MYO9B: variants seen among roughly 807,000 people sequenced by gnomAD.
MYO9B encodes myosin IXB, also known as unconventional myosin-IXb.
Under a neutral mutation model 229.5 loss-of-function variants are expected in MYO9B, and 71 were observed. That is an observed-to-expected ratio of 0.31 (90% confidence interval 0.26 to 0.38). The LOEUF is 0.38. Among genes scored for constraint, MYO9B ranks in the 10% least tolerant of loss-of-function variants. The pLI, the probability that MYO9B is intolerant of heterozygous loss-of-function variation, is 1.00. For synonymous variants in MYO9B, 1,185 were observed against 1,235.8 expected (o/e 0.96, Z 0.86); for missense variants, 2,255 against 2,920.5 (o/e 0.77, Z 5.25).
intron 1 of MYO9B, among the ~76,000 whole-genome samples, chr19:17,081,959 G>A (rs923189836): frequency 1.3e-5 from 2 of 152,038 alleles, no homozygotes; most frequent in Admixed American, 6.6e-5. Flanking sequence ...CAGGGCATGG[G>A]GCGGGGGTAT....
rs747338328 is a variant in MYO9B, at chr19:17,205,942, C to T, written c.5065-18C>T. On this transcript the variant is annotated intron_variant, in intron 31 of 39. Coordinates refer to ENST00000682292, the MANE Select transcript of MYO9B (RefSeq NM_004145.4). ...AGACAGCCAGGCCCAGACCTGACCC[C>T]CAACCCCGGCACTGCAGGGCGAGCC... 7.1e-6 allele frequency: 11 copies of T among 1,542,310 alleles called. No individual in the cohort carries two copies. In the South Asian group the frequency reaches 1.2e-4, roughly 17 times the overall value.
rs771077231 is a variant in MYO9B at position 17,202,286 on chromosome 19, G to A, written c.4819G>A (p.Asp1607Asn). 1.0e-5 allele frequency: 16 copies of A among 1,566,044 alleles called. No homozygotes were observed. The highest frequency in any genetic ancestry group is 4.1e-5 in the African/African-American group (3 of 73,392). Residue 1607 changes from aspartate (D) to asparagine (N), a missense_variant, in exon 28 of 40, where the codon GAC becomes AAC. This residue lies in a region of MYO9B where 416 missense variants were observed against 605.5 expected (regional missense o/e 0.69). Coordinates refer to ENST00000682292, the MANE Select transcript of MYO9B (RefSeq NM_004145.4). ...GTTCACCCGTGGCTACACCAAGAAC[G>A]ACTTCGAGCCAGTGAAGGTGGGCAG... The part of the protein sequence containing the change: ...DEFTRGYTKN[D>N]FEPVKQSKAQ...
chr19:17,161,649 C>G (rs74438391), intron 8 of MYO9B, among the ~76,000 whole-genome samples: 1 of 151,894 alleles, frequency 6.6e-6, no homozygotes, highest in Non-Finnish European at 1.5e-5. Flanking sequence ...AACCCCGTTT[C>G]TACTAAAAAT....
chr19:17,111,579 C>T (rs146817872), intron 2 of MYO9B, among the ~76,000 whole-genome samples: 334 of 152,288 alleles, frequency 2.2e-3, no homozygotes, highest in African/African-American at 7.1e-3. Context: ...CACACCACCA[C>T]CCCTGGCTAA....
At chr19:17,202,811 C>T (rs1255445638) in intron 28 of MYO9B, 31 bp from the exon 29 acceptor site, 10 of 1,570,818 alleles carry the variant, frequency 6.4e-6, no homozygotes, top group Admixed American at 1.9e-5. Flanking sequence ...CAGGGGGGCC[C>T]CCGCCAACCT....
chr19:17,169,898 T>C (rs1025512068), intron 11 of MYO9B, among the ~76,000 whole-genome samples: 7 of 147,150 alleles, frequency 4.8e-5, no homozygotes, highest in African/African-American at 1.8e-4. Context: ...CTCAAGTTAA[T>C]TGGCGTCATC....
chr19:17,209,644 A>G lies in MYO9B; in HGVS notation c.5683A>G (p.Ile1895Val), dbSNP rs1409654173. Residue 1895 changes from isoleucine (I) to valine (V), a missense_variant, in exon 36 of 40, where the codon ATC (isoleucine) becomes GTC (valine). Physicochemically the swap from Ile to Val is conservative, Grantham distance 29. This residue lies in a region of MYO9B where 416 missense variants were observed against 605.5 expected (regional missense o/e 0.69). Coordinates refer to ENST00000682292, the MANE Select transcript of MYO9B (RefSeq NM_004145.4). The stretch of plus-strand genomic sequence containing the variant: ...GAAATACAAAGTGAAGATGGAGGAG[A>G]TCAGCCAACTGGAGGCTGCAGAGAG... Reference protein sequence around the residue: ...MRKYKVKMEEISQLEAAESIA... With the variant: ...MRKYKVKMEEVSQLEAAESIA... 1 of 1,610,916 alleles carries G rather than the reference A, an allele frequency of 6.2e-7. No individual in the cohort carries two copies. Among genetic ancestry groups the G allele is most frequent in the Non-Finnish European group, 8.5e-7 (1 of 1,178,592 alleles).
chr19:17,100,620 A>G (rs2057735883), intron 1 of MYO9B, among the ~76,000 whole-genome samples: 2 of 152,228 alleles, frequency 1.3e-5, no homozygotes, highest in African/African-American at 4.8e-5. Flanking sequence ...TCGCATTGAG[A>G]ATCTCCTGTG....
At chr19:17,084,986 A>G (rs1248796870) in intron 1 of MYO9B, among the ~76,000 whole-genome samples, 1 of 152,158 alleles carries the variant, frequency 6.6e-6, no homozygotes, top group African/African-American at 2.4e-5. Flanking sequence ...AAACAATGAT[A>G]TAGAAGAACA....
rs1568305971 is a variant in MYO9B at position 17,211,759 on chromosome 19, C to T, written c.6043C>T (p.Arg2015Trp). The change falls in exon 39 of 40, where the codon CGG becomes TGG. Residue 2015 changes from arginine (R) to tryptophan (W), a missense_variant. This residue lies in a region of MYO9B where 331 missense variants were observed against 332.5 expected (regional missense o/e 1.00). Coordinates refer to ENST00000682292, the MANE Select transcript of MYO9B (RefSeq NM_004145.4). ...GAGCCTGCTGGAGGAGCGGGCCGGG[C>T]GGGGGGCCTCGGAAGGTCAGTATTA... ...TESLLEERAG[R>W]GASEGPPAPA... 1 of 1,612,818 alleles carries T rather than the reference C, an allele frequency of 6.2e-7. No homozygotes were observed. The highest frequency in any genetic ancestry group is 8.5e-7 in the Non-Finnish European group (1 of 1,179,700).
chr19:17,119,328 A>G (rs985141860), intron 2 of MYO9B, among the ~76,000 whole-genome samples: 6 of 152,144 alleles, frequency 3.9e-5, no homozygotes, highest in Non-Finnish European at 7.4e-5. Flanking sequence ...TGTGGCTCCC[A>G]CTGCCTTGCA....
rs969670910 is a variant in MYO9B at position 17,126,629 on chromosome 19, A to T, written c.841-18768A>T. Among the ~76,000 whole-genome samples, 7 of 151,442 alleles carry T rather than the reference A, an allele frequency of 4.6e-5. No homozygotes were observed. In the East Asian group the frequency reaches 1.4e-3, roughly 29 times the overall value. ...GCTGCTGAAAATTGAATTTCACATCAATTTCAGCCATCAAGAGATCTTTTG... is the reference window on the plus strand; with the variant it reads ...GCTGCTGAAAATTGAATTTCACATCTATTTCAGCCATCAAGAGATCTTTTG... On this transcript the variant is annotated intron_variant, in intron 2 of 39. Transcript: ENST00000682292.
At chr19:17,209,895 C>A (rs962124433) in intron 36 of MYO9B, among the ~76,000 whole-genome samples, 186 bp downstream of exon 36, 1 of 152,118 alleles carries the variant, frequency 6.6e-6, no homozygotes, top group Non-Finnish European at 1.5e-5. Flanking sequence ...TCTCGGGTAG[C>A]AGGGCGGGGC....
chr19:17,077,211 C>T lies in MYO9B; in HGVS notation c.-59+1337C>T, dbSNP rs573017578. The stretch of plus-strand genomic sequence containing the variant: ...GTGCAGGGTGCTTTTGATTGGCATT[C>T]ATTTCTCCCCTTTCCCAACTGTAGG... On this transcript the variant is annotated intron_variant, in intron 1 of 39. Transcript: ENST00000682292. Among the ~76,000 whole-genome samples the T allele has an allele frequency of 7.2e-5, 11 of 152,306 alleles. No individual in the cohort carries two copies. In the East Asian group the frequency reaches 2.1e-3, roughly 29 times the overall value.
At chr19:17,171,082 C>A (rs2072719518) in intron 11 of MYO9B, among the ~76,000 whole-genome samples, 1 of 152,112 alleles carries the variant, frequency 6.6e-6, no homozygotes. Flanking sequence ...GGGGGACACT[C>A]AAGGCAGATG....
At chr19:17,196,732 G>A (rs1241090037) in intron 22 of MYO9B, among the ~76,000 whole-genome samples, 6 of 151,598 alleles carry the variant, frequency 4.0e-5, no homozygotes, top group South Asian at 2.1e-4. Context: ...GATAGATGCC[G>A]ACGATAGATG....
chr19:17,199,990 A>G (rs1291442124), intron 24 of MYO9B, among the ~76,000 whole-genome samples: 2 of 149,464 alleles, frequency 1.3e-5, no homozygotes, highest in Non-Finnish European at 3.0e-5. Context: ...TCCTGCCTCA[A>G]CCTCCCAAGT....
chr19:17,118,406 A>G (rs1221893662), intron 2 of MYO9B, among the ~76,000 whole-genome samples: 1 of 152,116 alleles, frequency 6.6e-6, no homozygotes, highest in Non-Finnish European at 1.5e-5. Context: ...GTTCGAGACC[A>G]GCATGACAAC....
chr19:17,166,027 T>C (rs940792527), intron 10 of MYO9B, among the ~76,000 whole-genome samples: 2 of 152,014 alleles, frequency 1.3e-5, no homozygotes, highest in African/African-American at 4.8e-5. Flanking sequence ...TGCCAACCTC[T>C]AAATGATTTT....
Sources: allele counts gnomAD v4.1 joint callset (sites outside exome capture counted in the v4.1 genomes callset), GRCh38; gene constraint gnomAD v4.1.1; regional missense constraint gnomAD v4.1.1; transcripts MANE v1.5; gene names NCBI Gene and HGNC (gene_info 2026-07-23, HGNC 2026-07-21).